Variants in GULP1 observed in about 807,000 individuals in gnomAD.
The protein encoded by GULP1 is PTB domain-containing engulfment adapter protein 1.
A neutral mutation model predicts 40.9 loss-of-function variants in GULP1; 19 were observed. That is an observed-to-expected ratio of 0.46 (90% CI 0.32 to 0.68). GULP1 has a LOEUF of 0.68. Among genes scored for constraint, GULP1 ranks in the 30% least tolerant of loss-of-function variants. The pLI is 0.03. For missense variants in GULP1, 312 were observed against 362.2 expected (o/e 0.86, Z 1.12); for synonymous variants, 119 against 117.6 (o/e 1.01, Z -0.08).
chr2:188,553,147 T>G (rs1693918204), intron 7 of GULP1, among the ~76,000 whole-genome samples: 1 of 151,974 alleles, frequency 6.6e-6, no homozygotes, highest in Non-Finnish European at 1.5e-5. Flanking sequence ...TAATTTGACT[T>G]CCTGTTTTCC....
intron 1 of GULP1, among the ~76,000 whole-genome samples, chr2:188,302,043 A>G (rs1449352825): frequency 4.6e-5 from 7 of 152,350 alleles, no homozygotes; most frequent in Non-Finnish European, 5.9e-5. Context: ...AATTATAGCC[A>G]TTATTAAATG....
intron 2 of GULP1, among the ~76,000 whole-genome samples, chr2:188,431,687 A>G (rs2056891250): frequency 6.6e-6 from 1 of 152,084 alleles, no homozygotes; most frequent in Admixed American, 6.5e-5. Flanking sequence ...TATGAATCTT[A>G]TCACGACTTA....
intron 4 of GULP1, among the ~76,000 whole-genome samples, chr2:188,493,240 T>A (rs1209071180): frequency 1.3e-5 from 2 of 152,064 alleles, no homozygotes; most frequent in African/African-American, 4.8e-5. Flanking sequence ...TATGTTTGGA[T>A]CTTTCTTTGC....
At chr2:188,368,021 C>G (rs1039468502) in intron 1 of GULP1, among the ~76,000 whole-genome samples, 1 of 152,070 alleles carries the variant, frequency 6.6e-6, no homozygotes, top group Non-Finnish European at 1.5e-5. Context: ...TAGCAGAAAC[C>G]TTTCTGCTTT....
At chr2:188,351,889 C>T (rs151090732) in intron 1 of GULP1, among the ~76,000 whole-genome samples, 4 of 152,216 alleles carry the variant, frequency 2.6e-5, no homozygotes, top group East Asian at 1.9e-4. Context: ...CCAAGCCCCA[C>T]GAGAAGAAAT....
intron 4 of GULP1, among the ~76,000 whole-genome samples, chr2:188,485,480 CTTTG>C (rs1298490738): frequency 6.6e-6 from 1 of 151,900 alleles, no homozygotes; most frequent in Non-Finnish European, 1.5e-5. Context: ...TTCTGAAGTC[CTTTG>C]TTTGTGGCAC....
At chr2:188,530,050 C>CAT (rs1687166671) in intron 6 of GULP1, among the ~76,000 whole-genome samples, 1 of 152,050 alleles carries the variant, frequency 6.6e-6, no homozygotes, top group Non-Finnish European at 1.5e-5. Context: ...TATAGCAAGG[C>CAT]ATATACCTTA....
chr2:188,384,122 C>T (rs1170585036), intron 2 of GULP1: 4 of 151,870 alleles, frequency 2.6e-5, no homozygotes, highest in Non-Finnish European at 5.9e-5. Context: ...TTGGATTTTT[C>T]CTTTAAGCAA....
intron 1 of GULP1, among the ~76,000 whole-genome samples, chr2:188,352,649 C>CACACACACACACACACACACATA (rs374718200): frequency 6.8e-6 from 1 of 146,116 alleles, no homozygotes; most frequent in Non-Finnish European, 1.5e-5. Flanking sequence ...CACACACACA[C>CACACACACACACACACACACATA]GGTTCTGTTT....
chr2:188,456,261 G>T (rs995419078), intron 2 of GULP1, among the ~76,000 whole-genome samples: 1 of 152,180 alleles, frequency 6.6e-6, no homozygotes, highest in African/African-American at 2.4e-5. Flanking sequence ...TGGGGAAAAT[G>T]TCTCCAGGGC....
intron 1 of GULP1, among the ~76,000 whole-genome samples, chr2:188,356,839 T>C (rs1431178002): frequency 6.6e-6 from 1 of 152,074 alleles, no homozygotes; most frequent in East Asian, 1.9e-4. Flanking sequence ...CCAAACAGCA[T>C]GGTACTGGCA....
At chr2:188,323,437 A>G (rs1185798709) in intron 1 of GULP1, among the ~76,000 whole-genome samples, 1 of 151,986 alleles carries the variant, frequency 6.6e-6, no homozygotes, top group Non-Finnish European at 1.5e-5. Context: ...CTTTGCATGC[A>G]CAGTTGCAGT....
chr2:188,486,176 TC>T lies in GULP1; in HGVS notation c.90+2685del, dbSNP rs372972301. 2.7e-4 allele frequency among the ~76,000 whole-genome samples: 41 copies of T among 152,086 alleles called. 1 individual carries two copies. Among genetic ancestry groups the T allele is most frequent in the African/African-American group, 9.6e-4 (40 of 41,532 alleles). ...AGATAAATCGGTAGTGATAAAAAAG[TC>T]AGTTTGAATCAAGAGTGTTAGAATG... is the stretch of plus-strand genomic sequence containing the variant. On this transcript the variant is annotated intron_variant, in intron 4 of 11. Transcript: ENST00000409830.
intron 2 of GULP1, among the ~76,000 whole-genome samples, chr2:188,419,347 T>A (rs982779166): frequency 5.9e-5 from 9 of 152,142 alleles, no homozygotes; most frequent in Non-Finnish European, 1.3e-4. Context: ...AATTTCTCCA[T>A]ACCCTGGTCA....
intron 2 of GULP1, among the ~76,000 whole-genome samples, chr2:188,397,253 C>G (rs959478578): frequency 6.6e-6 from 1 of 152,162 alleles, no homozygotes; most frequent in Admixed American, 6.5e-5. Flanking sequence ...AAATGAATTT[C>G]TTAATACATA....
At chr2:188,567,958 A>G (rs996647119) in intron 7 of GULP1, among the ~76,000 whole-genome samples, 49 of 152,224 alleles carry the variant, frequency 3.2e-4, no homozygotes, top group African/African-American at 8.7e-4. Context: ...ACATGCATAC[A>G]TTGGTATCTG....
chr2:188,324,565 G>A (rs1201326859), intron 1 of GULP1, among the ~76,000 whole-genome samples: 1 of 151,842 alleles, frequency 6.6e-6, no homozygotes, highest in East Asian at 1.9e-4. Flanking sequence ...TTCAGCTTAA[G>A]TATTTAAACA....
intron 5 of GULP1, among the ~76,000 whole-genome samples, chr2:188,527,103 C>G (rs1686365211): frequency 1.3e-5 from 2 of 152,158 alleles, no homozygotes; most frequent in African/African-American, 4.8e-5. Flanking sequence ...CTTTGTTTTT[C>G]TACCTCAGCC....
At chr2:188,370,956 C>T (rs1252669823) in intron 1 of GULP1, among the ~76,000 whole-genome samples, 2 of 152,040 alleles carry the variant, frequency 1.3e-5, no homozygotes, top group Admixed American at 1.3e-4. Flanking sequence ...CTCTTTAACA[C>T]TTTTCATTCT....
Sources: allele counts gnomAD v4.1 joint callset (sites outside exome capture counted in the v4.1 genomes callset), GRCh38; gene constraint gnomAD v4.1.1; transcripts MANE v1.5; gene names NCBI Gene and HGNC (gene_info 2026-07-23, HGNC 2026-07-21).